DNAH9: variants seen among roughly 807,000 people sequenced by gnomAD.
DNAH9 encodes the protein DNAH9 variant protein.
Under a neutral mutation model 471.6 loss-of-function variants are expected in DNAH9, and 345 were observed. That is an observed-to-expected ratio of 0.73 (90% CI 0.67 to 0.80). DNAH9 has a LOEUF of 0.80. Ranked by LOEUF, DNAH9 falls within the 30% of genes least tolerant of loss-of-function variation. The pLI is 0.00. For synonymous variants in DNAH9, 2,093 were observed against 2,123.6 expected, an observed-to-expected ratio of 0.99 and a Z score of 0.40; for missense variants, 5,407 against 5,609.2, an observed-to-expected ratio of 0.96 and a Z score of 1.15.
intron 25 of DNAH9, among the ~76,000 whole-genome samples, 181 bp downstream of exon 25, chr17:11,704,623 G>A (rs2074667416): frequency 7.5e-6 from 1 of 133,164 alleles, no homozygotes; most frequent in African/African-American, 2.8e-5. Context: ...CGCTCTTATT[G>A]CCCAGGCTGG....
intron 61 of DNAH9, among the ~76,000 whole-genome samples, chr17:11,911,249 C>T (rs917208079): frequency 3.9e-5 from 6 of 152,156 alleles, no homozygotes; most frequent in South Asian, 2.1e-4. Flanking sequence ...TCCCTTGACA[C>T]GTAGATATCC....
Position 11,799,976 on chromosome 17 carries a change from C to G in DNAH9, c.8420+2183C>G, listed in dbSNP as rs1302464969. Among the ~76,000 whole-genome samples the G allele has an allele frequency of 2.6e-5, 4 of 152,314 alleles. No homozygotes were observed. The East Asian group carries it at 7.7e-4, about 29-fold the overall frequency. On this transcript the variant is annotated intron_variant, in intron 43 of 68. Coordinates refer to ENST00000262442, the MANE Select transcript of DNAH9 (RefSeq NM_001372.4). ...CATGTTGATTGTTTTTGCTCCAGAT[C>G]TGCATCCATAAATATCAAACAGGTC...
At chr17:11,805,216 G>A (rs1037209528) in intron 43 of DNAH9, among the ~76,000 whole-genome samples, 1 of 152,088 alleles carries the variant, frequency 6.6e-6, no homozygotes, top group African/African-American at 2.4e-5. Context: ...TTGTGAACAG[G>A]TCATCAGTAC....
In DNAH9 at chr17:11,937,435, C is replaced by T. The variant is rs1218988041; in HGVS notation, c.12573C>T (p.Thr4191=). The change falls in exon 66 of 69, where the codon ACC becomes ACT. Residue 4191 remains threonine, a synonymous_variant. Coordinates refer to ENST00000262442, the MANE Select transcript of DNAH9 (RefSeq NM_001372.4). This position sits in a 1 kb window ranked among gnomAD's most constrained non-coding sequence, Gnocchi z 4.1. ...CAGAGATTGGCTTCCTGACCCAAAC[C>T]TCAGAAAAGCTCTTCCGCACTGTGC... ...PNAEIGFLTQ[T]SEKLFRTVLE... 2 of 1,614,144 alleles carry T rather than the reference C, an allele frequency of 1.2e-6. No individual in the cohort carries two copies. Among genetic ancestry groups the T allele is most frequent in the Admixed American group, 1.7e-5 (1 of 60,030 alleles).
At position 11,623,812 on chromosome 17, in the gene DNAH9, C is replaced by T. The variant is rs1473660968; in HGVS notation, c.1350+4031C>T. Among the ~76,000 whole-genome samples, 1 of 152,172 alleles carries T rather than the reference C, an allele frequency of 6.6e-6. No individual in the cohort carries two copies. The highest frequency in any genetic ancestry group is 1.5e-5 in the Non-Finnish European group (1 of 68,036). On this transcript the variant is annotated intron_variant, in intron 6 of 68. Coordinates refer to ENST00000262442, the MANE Select transcript of DNAH9 (RefSeq NM_001372.4). This position sits in a 1 kb window ranked among gnomAD's most constrained non-coding sequence, Gnocchi z 4.1. ...ATGTGTTTATCTCTCTGCATGCTCT[C>T]GTCACGGGTTAGAGTGTGAAGGGCT...
chr17:11,632,237 T>A (rs1326395630), intron 7 of DNAH9, among the ~76,000 whole-genome samples: 1 of 152,172 alleles, frequency 6.6e-6, no homozygotes, highest in East Asian at 1.9e-4. Context: ...ATAGCCCCAT[T>A]GCTGGGGCTG....
In DNAH9 at chr17:11,793,473, G is replaced by A. The variant is rs371799657; in HGVS notation, c.8062-30G>A. On this transcript the variant is annotated intron_variant, in intron 41 of 68. Transcript: ENST00000262442. ...ATTGTACCTCTGGATGGTTATTAAC[G>A]TTATTTTTTTGTGTCTGTTCCCCTT... The A allele has an allele frequency of 6.0e-5, 96 of 1,595,872 alleles. 1 individual carries two copies. In the South Asian group the frequency reaches 8.7e-4, roughly 14 times the overall value.
chr17:11,947,772 A>AATTTTTTTTTTTTTTTTTT (rs1555528615), intron 67 of DNAH9, among the ~76,000 whole-genome samples: 1 of 108,344 alleles, frequency 9.2e-6, no homozygotes, highest in African/African-American at 3.9e-5. Flanking sequence ...GCTGGGAACT[A>AATTTTTTTTTTTTTTTTTT]TTTTTTTTTT....
At chr17:11,898,869 C>T (rs888515784) in intron 59 of DNAH9, among the ~76,000 whole-genome samples, 15 of 152,340 alleles carry the variant, frequency 9.8e-5, no homozygotes, top group African/African-American at 2.6e-4. Context: ...CCTCTTTTCA[C>T]GAAATGGATT....
rs138366849 is a variant in DNAH9 at position 11,610,185 on chromosome 17, AT to A, written c.615-201del. 3.8e-3 allele frequency among the ~76,000 whole-genome samples: 574 copies of A among 149,494 alleles called. 3 individuals are homozygous for A. Among genetic ancestry groups the A allele is most frequent in the African/African-American group, 0.013 (538 of 40,848 alleles). ...AAAATGTACATACACACACATAAGC[AT>A]TTTTTTTTTCTGGAGAGAGGATCTA... On this transcript the variant is annotated intron_variant, in intron 2 of 68. Coordinates refer to ENST00000262442, the MANE Select transcript of DNAH9 (RefSeq NM_001372.4).
chr17:11,839,837 A>C (rs1471266820), intron 49 of DNAH9, among the ~76,000 whole-genome samples: 2 of 152,190 alleles, frequency 1.3e-5, no homozygotes, highest in Non-Finnish European at 1.5e-5. Flanking sequence ...TCACCACCTC[A>C]CATAGTTATA....
At chr17:11,901,673 G>A (rs577251275) in intron 59 of DNAH9, among the ~76,000 whole-genome samples, 1 of 152,294 alleles carries the variant, frequency 6.6e-6, no homozygotes, top group South Asian at 2.1e-4. Context: ...TCCAGCCTGG[G>A]CAACAGAGCG....
chr17:11,742,146 G>A (rs544940731), intron 29 of DNAH9, 29 bp from the exon 30 acceptor site: 2 of 1,612,088 alleles, frequency 1.2e-6, no homozygotes, highest in Non-Finnish European at 1.7e-6. Flanking sequence ...TTGGGAAACT[G>A]ACTGGGCCTT....
intron 6 of DNAH9, among the ~76,000 whole-genome samples, chr17:11,621,287 A>T (rs888640678): frequency 6.6e-6 from 1 of 151,562 alleles, no homozygotes; most frequent in East Asian, 2.0e-4. Flanking sequence ...GGGCGCCTGT[A>T]GTCCCAGCTA....
chr17:11,611,581 T>C, intron 3 of DNAH9, 69 bp from the exon 4 acceptor site: 7 of 1,479,440 alleles, frequency 4.7e-6, no homozygotes, highest in South Asian at 1.2e-5. Flanking sequence ...TGTGTGACGA[T>C]GGGTCATCAC....
rs374750165 is a variant in DNAH9 at position 11,824,864 on chromosome 17, G to C, written c.9246+1830G>C. Among the ~76,000 whole-genome samples, 52 of 147,370 alleles carry C rather than the reference G, an allele frequency of 3.5e-4. No individual in the cohort carries two copies. The South Asian group carries it at 9.6e-3, about 27-fold the overall frequency. On this transcript the variant is annotated intron_variant, in intron 48 of 68. Coordinates refer to ENST00000262442, the MANE Select transcript of DNAH9 (RefSeq NM_001372.4). The stretch of plus-strand genomic sequence containing the variant: ...CTGGTAATGGATCGTTTTCAGTACT[G>C]TCTTCTCCTTCTCCTTCTCCTTCTC...
intron 50 of DNAH9, among the ~76,000 whole-genome samples, chr17:11,863,876 A>C (rs1220909522): frequency 6.6e-6 from 1 of 151,526 alleles, no homozygotes; most frequent in Non-Finnish European, 1.5e-5. Context: ...TATCCCCTTT[A>C]TCATTTTTTA....
At chr17:11,688,859 A>G (rs1259878639) in intron 19 of DNAH9, among the ~76,000 whole-genome samples, 1 of 152,076 alleles carries the variant, frequency 6.6e-6, no homozygotes, top group African/African-American at 2.4e-5. Context: ...GCACTTTTGG[A>G]GGCCAAGGCG....
intron 65 of DNAH9, among the ~76,000 whole-genome samples, chr17:11,934,436 T>A (rs1427306345): frequency 2.3e-5 from 1 of 43,704 alleles, no homozygotes; most frequent in Non-Finnish European, 4.6e-5. Flanking sequence ...GACAAACCCA[T>A]TTTTTTTTTT....
Sources: gnomAD v4.1 joint callset for allele counts (sites outside exome capture counted in the v4.1 genomes callset) on GRCh38, gnomAD v4.1.1 for gene constraint, Gnocchi (gnomAD v3.1) non-coding constraint, MANE v1.5 for transcripts, NCBI Gene and HGNC (gene_info 2026-07-23, HGNC 2026-07-21) for gene names.